Variants in MCTP2 observed in about 807,000 individuals in gnomAD.
MCTP2 encodes multiple C2 and transmembrane domain-containing protein 2.
Under a neutral mutation model 111.6 loss-of-function variants are expected in MCTP2, and 132 were observed. The observed-to-expected ratio is 1.18, with a 90% CI of 1.03 to 1.37. MCTP2 has a LOEUF of 1.37. Among genes scored for constraint, MCTP2 ranks in the 40% most tolerant of loss-of-function variants. The pLI, the probability that MCTP2 is intolerant of heterozygous loss-of-function variation, is 0.00. For synonymous variants in MCTP2, 395 were observed against 387.7 expected (o/e 1.02, Z -0.22); for missense variants, 1,183 against 1,067.9 (o/e 1.11, Z -1.50).
chr15:94,442,827 G>T (rs2083857165), intron 18 of MCTP2, 92 bp from the exon 19 acceptor site: 1 of 1,039,078 alleles, frequency 9.6e-7, no homozygotes, highest in Non-Finnish European at 1.5e-6. Context: ...AATGCTTGAA[G>T]TCTGTAGGCA....
chr15:94,243,879 T>G (rs1236999725), intron 1 of MCTP2, among the ~76,000 whole-genome samples: 2 of 147,958 alleles, frequency 1.4e-5, no homozygotes, highest in African/African-American at 2.5e-5. Flanking sequence ...GTGTATATAT[T>G]TATGTACACA....
chr15:94,245,332 ATG>A (rs1005986969), intron 1 of MCTP2, among the ~76,000 whole-genome samples: 1 of 139,514 alleles, frequency 7.2e-6, no homozygotes, highest in Non-Finnish European at 1.5e-5. Context: ...TTACATACAT[ATG>A]TGTAGATATT....
At chr15:94,448,427 T>C (rs1303705642) in intron 19 of MCTP2, among the ~76,000 whole-genome samples, 1 of 152,214 alleles carries the variant, frequency 6.6e-6, no homozygotes, top group African/African-American at 2.4e-5. Context: ...TGACCAAATT[T>C]CGTCAGAGGC....
chr15:94,318,272 A>AAT (rs2076464080), intron 4 of MCTP2, among the ~76,000 whole-genome samples: 2 of 143,130 alleles, frequency 1.4e-5, no homozygotes, highest in Non-Finnish European at 3.1e-5. Flanking sequence ...CAAAAAAAAA[A>AAT]TTTTTTTTTT....
intron 1 of MCTP2, among the ~76,000 whole-genome samples, chr15:94,257,392 G>A (rs1402607097): frequency 6.6e-6 from 1 of 151,890 alleles, no homozygotes; most frequent in South Asian, 2.1e-4. Context: ...TTGAAAGGAG[G>A]AATTTTGAGG....
rs1031932919 is a variant in MCTP2, at chr15:94,481,211, T to C, written c.*2177T>C. ...CTTTATCTTCCCATTTCTAGCCCTG[T>C]CTCTCTATCTTACAGGCATCTACAC... On this transcript the variant is annotated 3_prime_UTR_variant, in exon 23 of 23. Transcript: ENST00000357742. 1.3e-5 allele frequency: 2 copies of C among 151,724 alleles called. No individual in the cohort carries two copies. Among genetic ancestry groups the C allele is most frequent in the Non-Finnish European group, 2.9e-5 (2 of 67,906 alleles). 9.4% of individuals were successfully genotyped at this position (151,724 alleles called of 1,614,324 possible). A position where few individuals can be genotyped will look rare whatever the true frequency, so the allele number is the denominator to read the frequency against.
intron 17 of MCTP2, 139 bp downstream of exon 17, chr15:94,402,158 C>T: frequency 7.5e-7 from 1 of 1,328,428 alleles, no homozygotes; most frequent in Non-Finnish European, 1.0e-6. Flanking sequence ...CCTGGGAAAC[C>T]CCTTAAATTA....
chr15:94,307,201 G>C (rs531984956), intron 2 of MCTP2, among the ~76,000 whole-genome samples: 1 of 152,294 alleles, frequency 6.6e-6, no homozygotes, highest in African/African-American at 2.4e-5. Context: ...TTTCCACTAG[G>C]AAAGGTGGCA....
At chr15:94,443,009 A>G (rs1243341222) in intron 19 of MCTP2, 49 bp downstream of exon 19, 2 of 1,524,940 alleles carry the variant, frequency 1.3e-6, no homozygotes, top group East Asian at 4.5e-5. Flanking sequence ...TAGTGTTGTC[A>G]ACAGATAGCA....
At chr15:94,374,017 A>G (rs3784652) in intron 12 of MCTP2, among the ~76,000 whole-genome samples, 9,703 of 152,284 alleles carry the variant, frequency 0.064, 499 homozygotes, top group South Asian at 0.1. Flanking sequence ...TTTTAAGAAG[A>G]AAACAACTCG....
chr15:94,261,426 T>C (rs2073172458), intron 1 of MCTP2, among the ~76,000 whole-genome samples: 1 of 152,230 alleles, frequency 6.6e-6, no homozygotes, highest in Non-Finnish European at 1.5e-5. Context: ...TGAGTCTTAG[T>C]GACAACTCTA....
intron 2 of MCTP2, among the ~76,000 whole-genome samples, chr15:94,299,883 C>T (rs142172818): frequency 6.4e-4 from 98 of 152,304 alleles, no homozygotes; most frequent in African/African-American, 2.3e-3. Flanking sequence ...GCAAGCATTA[C>T]TATATTAAGA....
intron 21 of MCTP2, among the ~76,000 whole-genome samples, chr15:94,472,101 G>C (rs1420598587): frequency 6.6e-6 from 1 of 152,214 alleles, no homozygotes; most frequent in Non-Finnish European, 1.5e-5. Context: ...ATACTGGCTG[G>C]GTGCAGTGGC....
intron 4 of MCTP2, 34 bp from the exon 5 acceptor site, chr15:94,339,256 T>A (rs2077514111): frequency 1.3e-6 from 2 of 1,520,620 alleles, no homozygotes; most frequent in East Asian, 4.5e-5. Context: ...ACATGTATTT[T>A]AAAATTCTGT....
intron 2 of MCTP2, among the ~76,000 whole-genome samples, chr15:94,298,946 CCT>C (rs1326121100): frequency 1.3e-3 from 9 of 6,902 alleles, no homozygotes; most frequent in East Asian, 0.013. Context: ...TCCCTCTCTC[CCT>C]CTCTCCCTCT....
chr15:94,274,956 A>G (rs2074109983), intron 1 of MCTP2, among the ~76,000 whole-genome samples: 1 of 152,200 alleles, frequency 6.6e-6, no homozygotes, highest in Non-Finnish European at 1.5e-5. Flanking sequence ...ACTTAGTCTG[A>G]TATATAAAAG....
intron 15 of MCTP2, 40 bp from the exon 16 acceptor site, chr15:94,399,881 T>C (rs1339576474): frequency 6.4e-7 from 1 of 1,563,762 alleles, no homozygotes. Flanking sequence ...ATGAAGTCCC[T>C]ATACATGCTG....
In MCTP2 at chr15:94,455,461, C is replaced by T. The variant is rs141975152; in HGVS notation, c.2251-2676C>T. On this transcript the variant is annotated intron_variant, in intron 19 of 22. Coordinates refer to ENST00000357742, the MANE Select transcript of MCTP2 (RefSeq NM_001385001.1). ...CTTTCTGTTGTTTTTTTTTTTTAGACGGAGTCTCGCTCTGTCGCCAGGCTC... is the reference window on the plus strand; with the variant it reads ...CTTTCTGTTGTTTTTTTTTTTTAGATGGAGTCTCGCTCTGTCGCCAGGCTC... Among the ~76,000 whole-genome samples, 484 of 151,022 alleles carry T rather than the reference C, an allele frequency of 3.2e-3. 1 individual carries two copies. The highest frequency in any genetic ancestry group is 0.014 in the Middle Eastern group (4 of 294).
chr15:94,275,908 C>T (rs1004136106), intron 1 of MCTP2, among the ~76,000 whole-genome samples: 6 of 140,952 alleles, frequency 4.3e-5, no homozygotes, highest in South Asian at 2.2e-4. Flanking sequence ...AGTGTAGTGG[C>T]GCGGATCTTG....
Sources: allele counts gnomAD v4.1 joint callset (sites outside exome capture counted in the v4.1 genomes callset), GRCh38; gene constraint gnomAD v4.1.1; transcripts MANE v1.5; gene names NCBI Gene and HGNC (gene_info 2026-07-23, HGNC 2026-07-21).